Variants in PCBP3 observed in about 807,000 individuals in gnomAD.
PCBP3 encodes the protein poly(rC)-binding protein 3.
PCBP3 carries 25 observed loss-of-function variants against 52.7 expected under a neutral mutation model. That is an observed-to-expected ratio of 0.47 (90% confidence interval 0.35 to 0.66). PCBP3 has a LOEUF of 0.66. Ranked by LOEUF, PCBP3 falls within the 30% of genes least tolerant of loss-of-function variation. PCBP3 has a pLI of 0.01. For missense variants in PCBP3, 391 were observed against 490.3 expected (o/e 0.80, Z 1.91); for synonymous variants, 162 against 183.0 (o/e 0.89, Z 0.93).
rs182961816 is a variant in PCBP3 at position 45,900,134 on chromosome 21, C to A, written c.190-457C>A. On this transcript the variant is annotated intron_variant, in intron 7 of 17. Transcript: ENST00000681687. Reference sequence around the variant, plus strand: ...TTTTCACCGCTTCCGGGGGTCCTTCCCCTCAGTCCCACCATGGGGGCGCCT... The same window carrying A: ...TTTTCACCGCTTCCGGGGGTCCTTCACCTCAGTCCCACCATGGGGGCGCCT... Among the ~76,000 whole-genome samples the A allele has an allele frequency of 1.3e-5, 2 of 152,232 alleles. 1 individual carries two copies. Among genetic ancestry groups the A allele is most frequent in the Middle Eastern group, 6.3e-3 (2 of 316 alleles).
At chr21:45,913,528 G>T (rs1419330512) in intron 11 of PCBP3, among the ~76,000 whole-genome samples, 1 of 152,190 alleles carries the variant, frequency 6.6e-6, no homozygotes, top group East Asian at 1.9e-4. Context: ...CCGGTGGAGG[G>T]GCCAGCACCG....
chr21:45,653,417 A>G (rs2079813877), intron 1 of PCBP3, among the ~76,000 whole-genome samples: 1 of 152,106 alleles, frequency 6.6e-6, no homozygotes, highest in Non-Finnish European at 1.5e-5. Flanking sequence ...TGTCAGGGCC[A>G]CACAGATTTA....
chr21:45,837,002 G>A lies in PCBP3; in HGVS notation c.-125-12959G>A, dbSNP rs533921029. On this transcript the variant is annotated intron_variant, in intron 4 of 17. Coordinates refer to ENST00000681687, the MANE Select transcript of PCBP3 (RefSeq NM_001384156.1). This position sits in a 1 kb window ranked among gnomAD's most constrained non-coding sequence, Gnocchi z 4.1. ...GAGTGATGCTTCCGTGGACATTCCT[G>A]TGTGTTTCTTTTGGTGCACACATGA... 2.0e-5 allele frequency among the ~76,000 whole-genome samples: 3 copies of A among 152,192 alleles called. No homozygotes were observed. The South Asian group carries it at 6.2e-4, about 32-fold the overall frequency.
intron 9 of PCBP3, among the ~76,000 whole-genome samples, chr21:45,907,857 CG>C (rs1321957394): frequency 8.6e-6 from 1 of 116,820 alleles, no homozygotes; most frequent in Non-Finnish European, 1.8e-5. Flanking sequence ...AAGGACGGGG[CG>C]GGGGGAGTGC....
At position 45,737,699 on chromosome 21, in the gene PCBP3, G is replaced by A. The variant is rs766436853; in HGVS notation, c.-162+2270G>A. ...ATTCTGGAAATTCCCTGAGGCCTTC[G>A]TTCAGTACAGACAGGGAACTTTTAT... On this transcript the variant is annotated intron_variant, in intron 3 of 17. Coordinates refer to ENST00000681687, the MANE Select transcript of PCBP3 (RefSeq NM_001384156.1). This position sits in a 1 kb window ranked among gnomAD's most constrained non-coding sequence, Gnocchi z 4.9. 2.0e-5 allele frequency among the ~76,000 whole-genome samples: 3 copies of A among 152,328 alleles called. No homozygotes were observed. The highest frequency in any genetic ancestry group is 4.1e-4 in the South Asian group (2 of 4,832).
intron 5 of PCBP3, chr21:45,859,605 C>T (rs2094437336): frequency 6.6e-6 from 1 of 152,270 alleles, no homozygotes; most frequent in Non-Finnish European, 1.5e-5. Flanking sequence ...CGACATCTCC[C>T]CTCTTGGAGA....
chr21:45,647,815 G>T (rs2079418504), intron 1 of PCBP3, among the ~76,000 whole-genome samples: 1 of 152,178 alleles, frequency 6.6e-6, no homozygotes, highest in African/African-American at 2.4e-5. Context: ...CTAATCTCAG[G>T]ACTATGTTAT....
At chr21:45,699,429 C>A (rs766778163) in intron 2 of PCBP3, among the ~76,000 whole-genome samples, 1 of 152,168 alleles carries the variant, frequency 6.6e-6, no homozygotes, top group Non-Finnish European at 1.5e-5. Context: ...AACCAACACC[C>A]GCTTCCTGTT....
chr21:45,819,599 C>T (rs982040010), intron 4 of PCBP3, among the ~76,000 whole-genome samples: 3 of 152,366 alleles, frequency 2.0e-5, no homozygotes, highest in South Asian at 4.1e-4. Context: ...GGGGTCAAAC[C>T]GCCCACGCAG....
rs925832519 is a variant in PCBP3 at position 45,683,000 on chromosome 21, G to A, written c.-200+14048G>A. Among the ~76,000 whole-genome samples the A allele has an allele frequency of 5.3e-5, 8 of 152,232 alleles. No individual in the cohort carries two copies. The East Asian group carries it at 1.5e-3, about 29-fold the overall frequency. The stretch of plus-strand genomic sequence containing the variant: ...AACCCTGGGTTTTCCAGTGAGGCCT[G>A]GGATAGGGGAAGGAATCCGAAACAA... On this transcript the variant is annotated intron_variant, in intron 2 of 17. Coordinates refer to ENST00000681687, the MANE Select transcript of PCBP3 (RefSeq NM_001384156.1).
rs566200083 is a variant in PCBP3 at position 45,753,448 on chromosome 21, T to C, written c.-161-1969T>C. On this transcript the variant is annotated intron_variant, in intron 3 of 17. Coordinates refer to ENST00000681687, the MANE Select transcript of PCBP3 (RefSeq NM_001384156.1). ...TCAGTATCTCTGTATCCGAGTGTTT[T>C]AGTGAATCTTTTAAAATGGGATGTA... is the stretch of plus-strand genomic sequence containing the variant. 3.3e-5 allele frequency among the ~76,000 whole-genome samples: 5 copies of C among 152,254 alleles called. No individual in the cohort carries two copies. The East Asian group carries it at 7.7e-4, about 23-fold the overall frequency.
chr21:45,719,707 C>T (rs1032957805), intron 2 of PCBP3, among the ~76,000 whole-genome samples: 2 of 152,166 alleles, frequency 1.3e-5, no homozygotes, highest in South Asian at 2.1e-4. Flanking sequence ...TGAGGCCTCC[C>T]CAGCATTGTG....
At chr21:45,929,860 T>C (rs1362321588) in intron 13 of PCBP3, 57 bp from the exon 14 acceptor site, 17 of 1,292,216 alleles carry the variant, frequency 1.3e-5, no homozygotes, top group Non-Finnish European at 1.8e-5. Context: ...TTTAATTTGG[T>C]GTGACTTGTA....
chr21:45,781,779 C>T (rs140569694), intron 4 of PCBP3, among the ~76,000 whole-genome samples: 4 of 152,224 alleles, frequency 2.6e-5, no homozygotes, highest in Admixed American at 2.6e-4. Flanking sequence ...TGAAGTGTAT[C>T]CATATAGGTG....
intron 5 of PCBP3, 118 bp downstream of exon 5, chr21:45,850,213 C>G: frequency 1.2e-6 from 1 of 837,300 alleles, no homozygotes; most frequent in Non-Finnish European, 2.0e-6. Context: ...GTATTTCACC[C>G]TGCTTCAGTC....
intron 4 of PCBP3, among the ~76,000 whole-genome samples, chr21:45,811,329 C>T (rs1397905345): frequency 6.6e-6 from 1 of 152,250 alleles, no homozygotes; most frequent in Non-Finnish European, 1.5e-5. Flanking sequence ...ACGGGGAGGA[C>T]TCACCTCCTT....
intron 5 of PCBP3, among the ~76,000 whole-genome samples, chr21:45,876,266 C>T (rs561235135): frequency 6.6e-4 from 100 of 152,310 alleles, no homozygotes; most frequent in Non-Finnish European, 1.2e-3. Flanking sequence ...AGAGATATTA[C>T]GAATCCCGAA....
chr21:45,889,439 C>T (rs1043614056), intron 5 of PCBP3, among the ~76,000 whole-genome samples: 3 of 152,262 alleles, frequency 2.0e-5, no homozygotes, highest in Admixed American at 6.5e-5. Context: ...AGCACCTGTG[C>T]TTCCTGGCAG....
chr21:45,895,351 G>A (rs546585525), intron 5 of PCBP3, among the ~76,000 whole-genome samples: 2 of 152,294 alleles, frequency 1.3e-5, no homozygotes, highest in African/African-American at 4.8e-5. Context: ...AGCTTCACAG[G>A]TTTCTGTTCC....
Sources: allele counts gnomAD v4.1 joint callset (sites outside exome capture counted in the v4.1 genomes callset), GRCh38; gene constraint gnomAD v4.1.1; non-coding constraint Gnocchi (gnomAD v3.1); transcripts MANE v1.5; gene names NCBI Gene and HGNC (gene_info 2026-07-23, HGNC 2026-07-21).